The following NKX2-4 variants were observed in gnomAD, a reference collection of about 807,000 sequenced individuals.
The protein encoded by NKX2-4 is homeobox protein Nkx-2.4.
In NKX2-4, 6 loss-of-function variants were observed where a neutral mutation model predicts 8.6. The ratio of observed to expected loss-of-function variants is 0.70; its 90% CI spans 0.38 to 1.38. The LOEUF is 1.38. Ranked by LOEUF, NKX2-4 falls within the 40% of genes most tolerant of loss-of-function variation. The pLI, the probability that NKX2-4 is intolerant of heterozygous loss-of-function variation, is 0.02. For synonymous variants in NKX2-4, 299 were observed against 272.6 expected, an observed-to-expected ratio of 1.10 and a Z score of -0.95; for missense variants, 601 against 548.4, an observed-to-expected ratio of 1.10 and a Z score of -0.96.
Position 21,397,192 on chromosome 20 carries a change from C to T in NKX2-4, c.208G>A (p.Ala70Thr), listed in dbSNP as rs1383792174. 7.9e-7 allele frequency: 1 copy of T among 1,258,222 alleles called. No individual in the cohort carries two copies. Among genetic ancestry groups the T allele is most frequent in the Non-Finnish European group, 9.9e-7 (1 of 1,007,708 alleles). The allele number at this position is 1,258,222 out of a possible 1,614,324, so 77.9% of individuals were successfully genotyped here. ...GCCGCCGCGTTGTGACCCGCCATGG[C>T]GTGAGAAGGCTGCATGCCCGCCACG... Reference protein sequence around the residue: ...ATVAGMQPSHAMAGHNAAAAA... With the variant: ...ATVAGMQPSHTMAGHNAAAAA... The change falls in exon 1 of 2, where the codon GCC (alanine) becomes ACC (threonine). Residue 70 changes from alanine to threonine, a missense_variant. Transcript: ENST00000351817.
In NKX2-4 at chr20:21,395,749, C is replaced by G. The variant is rs537717953; in HGVS notation, c.*162G>C. The G allele has an allele frequency of 1.9e-6, 1 of 523,566 alleles. No homozygotes were observed. The highest frequency in any genetic ancestry group is 4.1e-5 in the Admixed American group (1 of 24,486). The allele number at this position is 523,566 out of a possible 1,614,324, so 32.4% of individuals were successfully genotyped here. On this transcript the variant is annotated 3_prime_UTR_variant, in exon 2 of 2. Transcript: ENST00000351817. ...TTTCCGGGCTGTCGCTGTCCCCCGCCCCCAGCAAGAGGTTCACAGCCTGCT... is the reference window on the plus strand; with the variant it reads ...TTTCCGGGCTGTCGCTGTCCCCCGCGCCCAGCAAGAGGTTCACAGCCTGCT...
In NKX2-4 at chr20:21,397,212, G is replaced by A; in HGVS notation, c.188C>T (p.Ala63Val). The A allele has an allele frequency of 1.6e-6, 2 of 1,242,368 alleles. No homozygotes were observed. Among genetic ancestry groups the A allele is most frequent in the Non-Finnish European group, 2.0e-6 (2 of 998,284 alleles). The allele number at this position is 1,242,368 out of a possible 1,614,324, so 77.0% of individuals were successfully genotyped here. Residue 63 changes from alanine to valine, a missense_variant, in exon 1 of 2, where the codon GCG becomes GTG. Transcript: ENST00000351817. ...CATGGCGTGAGAAGGCTGCATGCCC[G>A]CCACGGTCGCCGCCTGCGAGGAGGG... ...PGPSSQAATV[A>V]GMQPSHAMAG... is the part of the protein sequence containing the mutation.
In NKX2-4 at chr20:21,396,037, C is replaced by A; in HGVS notation, c.939G>T (p.Glu313Asp). The A allele has an allele frequency of 7.9e-7, 1 of 1,263,616 alleles. No homozygotes were observed. The highest frequency in any genetic ancestry group is 3.4e-5 in the South Asian group (1 of 29,442). 78.3% of individuals were successfully genotyped at this position (1,263,616 alleles called of 1,614,324 possible). Residue 313 changes from glutamate (E) to aspartate (D), a missense_variant, in exon 2 of 2, where the codon GAG (glutamate) becomes GAT (aspartate). Transcript: ENST00000351817. The part of the protein sequence containing the change: ...PPAPTPAPEL[E>D]ELSPSPPALH... ...GCGCGGGTGGGCTGGGCGACAGCTC[C>A]TCCAGCTCAGGTGCTGGCGTCGGGG...
intron 1 of NKX2-4, 70 bp downstream of exon 1, chr20:21,396,880 TCCCGCGCC>T (rs955606683): frequency 4.1e-6 from 5 of 1,205,072 alleles, no homozygotes; most frequent in African/African-American, 1.6e-5. Context: ...GCGCACCCCG[TCCCGCGCC>T]CCCGCGCCCC....
At position 21,397,495 on chromosome 20, in the gene NKX2-4, T is replaced by G; in HGVS notation, c.-96A>C. 2.5e-6 allele frequency: 3 copies of G among 1,206,092 alleles called. No homozygotes were observed. Among genetic ancestry groups the G allele is most frequent in the Non-Finnish European group, 3.1e-6 (3 of 973,830 alleles). 74.7% of individuals were successfully genotyped at this position (1,206,092 alleles called of 1,614,324 possible). A position where few individuals can be genotyped will look rare whatever the true frequency, so the allele number is the denominator to read the frequency against. On this transcript the variant is annotated 5_prime_UTR_variant, in exon 1 of 2. Transcript: ENST00000351817. ...CCACCTCGGCCGCGGCAGCTGAGCC[T>G]GTGACGAGGAGTCGGCGGCTCGGCG... is the stretch of plus-strand genomic sequence containing the variant.
At chr20:21,396,902 GC>G in intron 1 of NKX2-4, 55 bp downstream of exon 1, 1 of 1,300,978 alleles carries the variant, frequency 7.7e-7, no homozygotes, top group Non-Finnish European at 9.8e-7. Context: ...GCGCCCCTCG[GC>G]TGTGGCGGGA....
In NKX2-4 at chr20:21,395,899, G is replaced by A. The variant is rs373054893; in HGVS notation, c.*12C>T. On this transcript the variant is annotated 3_prime_UTR_variant, in exon 2 of 2. Coordinates refer to ENST00000351817, the MANE Select transcript of NKX2-4 (RefSeq NM_033176.2). ...GGGTGCACCAGGACCTAGCCCCGGG[G>A]CGCCCTCGCTGTCACCACGTCCTGC... 22 of 1,313,958 alleles carry A rather than the reference G, an allele frequency of 1.7e-5. No individual in the cohort carries two copies. Among genetic ancestry groups the A allele is most frequent in the African/African-American group, 9.1e-5 (6 of 66,252 alleles). The allele number at this position is 1,313,958 out of a possible 1,614,324, so 81.4% of individuals were successfully genotyped here. A position where few individuals can be genotyped will look rare whatever the true frequency, so the allele number is the denominator to read the frequency against.
In NKX2-4 at chr20:21,396,485, C is replaced by G; in HGVS notation, c.491G>C (p.Gly164Ala). 1 of 1,462,288 alleles carries G rather than the reference C, an allele frequency of 6.8e-7. No homozygotes were observed. Among genetic ancestry groups the G allele is most frequent in the Non-Finnish European group, 8.9e-7 (1 of 1,121,944 alleles). The allele number at this position is 1,462,288 out of a possible 1,614,324, so 90.6% of individuals were successfully genotyped here. A position where few individuals can be genotyped will look rare whatever the true frequency, so the allele number is the denominator to read the frequency against. Reference protein sequence around the residue: ...PSAGVNVAGMGSLTGIADAAK... With the variant: ...PSAGVNVAGMASLTGIADAAK... ...GGCGTCCGCGATGCCGGTCAGCGAC[C>G]CCATGCCGGCCACATTCACGCCCGC... is the stretch of plus-strand genomic sequence containing the variant. The change falls in exon 2 of 2, where the codon GGG (glycine) becomes GCG (alanine). Residue 164 changes from glycine to alanine, a missense_variant. Gly to Ala is a moderately conservative substitution (Grantham distance 60). Transcript: ENST00000351817.
intron 1 of NKX2-4, 54 bp from the exon 2 acceptor site, chr20:21,396,587 C>G: frequency 2.3e-6 from 3 of 1,319,682 alleles, no homozygotes; most frequent in Non-Finnish European, 2.9e-6. Flanking sequence ...CGCCGGGAGC[C>G]GGTCCAGCCG....
chr20:21,396,039 C>G lies in NKX2-4; in HGVS notation c.937G>C (p.Glu313Gln). The G allele has an allele frequency of 7.9e-7, 1 of 1,263,464 alleles. No individual in the cohort carries two copies. The allele number at this position is 1,263,464 out of a possible 1,614,324, so 78.3% of individuals were successfully genotyped here. Residue 313 changes from glutamate (E) to glutamine (Q), a missense_variant, in exon 2 of 2, where the codon GAG (glutamate) becomes CAG (glutamine). By Grantham distance (29) the Glu-to-Gln change is conservative. Coordinates refer to ENST00000351817, the MANE Select transcript of NKX2-4 (RefSeq NM_033176.2). Reference sequence around the variant, plus strand: ...GCGGGTGGGCTGGGCGACAGCTCCTCCAGCTCAGGTGCTGGCGTCGGGGCC... The same window carrying G: ...GCGGGTGGGCTGGGCGACAGCTCCTGCAGCTCAGGTGCTGGCGTCGGGGCC... ...PPAPTPAPEL[E>Q]ELSPSPPALH...
In NKX2-4 at chr20:21,396,253, C is replaced by T. The variant is rs376119111; in HGVS notation, c.723G>A (p.Arg241=). Residue 241 remains arginine, a synonymous_variant, in exon 2 of 2, where the codon CGG becomes CGA. Transcript: ENST00000351817. ...CCTTGGCCTGCCGTTTCATCTTGTA[C>T]CGGTGGTTCTGGAACCAGATCTTGA... is the stretch of plus-strand genomic sequence containing the variant. The part of the protein sequence containing the change: ...TQVKIWFQNH[R]YKMKRQAKDK... 5 of 1,605,794 alleles carry T rather than the reference C, an allele frequency of 3.1e-6. No individual in the cohort carries two copies. The African/African-American group carries it at 4.1e-5, about 13-fold the overall frequency.
In NKX2-4 at chr20:21,396,944, C is replaced by T. The variant is rs758175723; in HGVS notation, c.442+14G>A. On this transcript the variant is annotated intron_variant, in intron 1 of 1. Transcript: ENST00000351817. Reference sequence around the variant, plus strand: ...CTGAGCCGCCCGCAGCCCCGCGCTCCTGGCCCCTCTCACTTGACGAGTAGC... The same window carrying T: ...CTGAGCCGCCCGCAGCCCCGCGCTCTTGGCCCCTCTCACTTGACGAGTAGC... The T allele has an allele frequency of 8.4e-6, 12 of 1,423,410 alleles. No homozygotes were observed. The South Asian group carries it at 1.3e-4, about 15-fold the overall frequency. 88.2% of individuals were successfully genotyped at this position (1,423,410 alleles called of 1,614,324 possible). A position where few individuals can be genotyped will look rare whatever the true frequency, so the allele number is the denominator to read the frequency against.
Position 21,395,855 on chromosome 20 carries a change from A to C in NKX2-4, c.*56T>G. On this transcript the variant is annotated 3_prime_UTR_variant, in exon 2 of 2. Coordinates refer to ENST00000351817, the MANE Select transcript of NKX2-4 (RefSeq NM_033176.2). ...GCATGCCTCCCCCATCCGTTCTAGC[A>C]GTTTCTTGCAGACCCTTCGGGTGCA... 7.8e-7 allele frequency: 1 copy of C among 1,274,750 alleles called. No individual in the cohort carries two copies. The highest frequency in any genetic ancestry group is 1.0e-6 in the Non-Finnish European group (1 of 1,002,884). 79.0% of individuals were successfully genotyped at this position (1,274,750 alleles called of 1,614,324 possible).
chr20:21,395,751 C>A lies in NKX2-4; in HGVS notation c.*160G>T, dbSNP rs1388543015. The A allele has an allele frequency of 5.6e-6, 3 of 540,116 alleles. No individual in the cohort carries two copies. The highest frequency in any genetic ancestry group is 8.5e-6 in the Non-Finnish European group (3 of 352,122). 33.5% of individuals were successfully genotyped at this position (540,116 alleles called of 1,614,324 possible). A position where few individuals can be genotyped will look rare whatever the true frequency, so the allele number is the denominator to read the frequency against. ...TCCGGGCTGTCGCTGTCCCCCGCCC[C>A]CAGCAAGAGGTTCACAGCCTGCTCC... On this transcript the variant is annotated 3_prime_UTR_variant, in exon 2 of 2. Transcript: ENST00000351817.
In NKX2-4 at chr20:21,395,746, C is replaced by G; in HGVS notation, c.*165G>C. On this transcript the variant is annotated 3_prime_UTR_variant, in exon 2 of 2. Coordinates refer to ENST00000351817, the MANE Select transcript of NKX2-4 (RefSeq NM_033176.2). Reference sequence around the variant, plus strand: ...CGGTTTCCGGGCTGTCGCTGTCCCCCGCCCCCAGCAAGAGGTTCACAGCCT... The same window carrying G: ...CGGTTTCCGGGCTGTCGCTGTCCCCGGCCCCCAGCAAGAGGTTCACAGCCT... 2.0e-6 allele frequency: 1 copy of G among 507,336 alleles called. No individual in the cohort carries two copies. The allele number at this position is 507,336 out of a possible 1,614,324, so 31.4% of individuals were successfully genotyped here.
In NKX2-4 at chr20:21,396,058, C is replaced by T. The variant is rs1402617865; in HGVS notation, c.918G>A (p.Pro306=). 25 of 1,269,122 alleles carry T rather than the reference C, an allele frequency of 2.0e-5. No homozygotes were observed. Among genetic ancestry groups the T allele is most frequent in the Non-Finnish European group, 2.4e-5 (24 of 1,015,706 alleles). The allele number at this position is 1,269,122 out of a possible 1,614,324, so 78.6% of individuals were successfully genotyped here. The change falls in exon 2 of 2, where the codon CCG becomes CCA. Residue 306 remains proline, a synonymous_variant. Coordinates refer to ENST00000351817, the MANE Select transcript of NKX2-4 (RefSeq NM_033176.2). Reference sequence around the variant, plus strand: ...GCTCCTCCAGCTCAGGTGCTGGCGTCGGGGCCGGCGGCTGCGGACCGGCCT... The same window carrying T: ...GCTCCTCCAGCTCAGGTGCTGGCGTTGGGGCCGGCGGCTGCGGACCGGCCT... ...PGQAGPQPPA[P]TPAPELEELS...
intron 1 of NKX2-4, 68 bp downstream of exon 1, chr20:21,396,890 C>A: frequency 2.4e-6 from 3 of 1,264,568 alleles, no homozygotes; most frequent in Non-Finnish European, 3.0e-6. Flanking sequence ...TCCCGCGCCC[C>A]CGCGCCCCTC....
rs2039007751 is a variant in NKX2-4, at chr20:21,395,421, T to A, written c.*490A>T. ...AATGGCAATAATTCCTCTGCAATAA[T>A]GTTGCTATGTGTATGATCCACCTTG... On this transcript the variant is annotated 3_prime_UTR_variant, in exon 2 of 2. Coordinates refer to ENST00000351817, the MANE Select transcript of NKX2-4 (RefSeq NM_033176.2). 6.6e-6 allele frequency: 1 copy of A among 152,304 alleles called. No homozygotes were observed. The highest frequency in any genetic ancestry group is 2.1e-4 in the South Asian group (1 of 4,834). 9.4% of individuals were successfully genotyped at this position (152,304 alleles called of 1,614,324 possible).
Position 21,397,266 on chromosome 20 carries a change from G to A in NKX2-4, c.134C>T (p.Ala45Val). The change falls in exon 1 of 2, where the codon GCG becomes GTG. Residue 45 changes from alanine (A) to valine (V), a missense_variant. Ala to Val is a moderately conservative substitution (Grantham distance 64). Transcript: ENST00000351817. ...PPGLGAPLGA[A>V]AAYRAPPPGP... ...AGGTGGCGGCGCGCGGTAGGCGGCC[G>A]CGGCCCCCAGGGGCGCCCCCAGGCC... The A allele has an allele frequency of 8.1e-7, 1 of 1,241,034 alleles. No individual in the cohort carries two copies. Among genetic ancestry groups the A allele is most frequent in the South Asian group, 3.4e-5 (1 of 29,294 alleles). The allele number at this position is 1,241,034 out of a possible 1,614,324, so 76.9% of individuals were successfully genotyped here.
Sources: allele counts gnomAD v4.1 joint callset, GRCh38; gene constraint gnomAD v4.1.1; transcripts MANE v1.5; gene names NCBI Gene and HGNC (gene_info 2026-07-23, HGNC 2026-07-21).